Variants in SVIL observed in about 807,000 individuals in gnomAD.
SVIL encodes the protein supervillin, also known as archvillin.
Under a neutral mutation model 240.4 loss-of-function variants are expected in SVIL, and 101 were observed. The observed-to-expected ratio is 0.42, with a 90% CI of 0.36 to 0.50. The LOEUF (loss-of-function observed/expected upper bound fraction) is 0.50. Among genes scored for constraint, SVIL ranks in the 20% least tolerant of loss-of-function variants. The pLI is 0.01. For synonymous variants in SVIL, 999 were observed against 1,100.0 expected (o/e 0.91, Z 1.82); for missense variants, 2,512 against 2,818.7 (o/e 0.89, Z 2.46).
intron 1 of SVIL, among the ~76,000 whole-genome samples, chr10:29,587,868 G>A (rs1262109042): frequency 1.3e-5 from 2 of 152,200 alleles, no homozygotes; most frequent in East Asian, 3.8e-4. Context: ...AAAAGTGGAC[G>A]TCTGTATTTC....
intron 3 of SVIL, among the ~76,000 whole-genome samples, chr10:29,558,044 G>T (rs1035435477): frequency 6.6e-6 from 1 of 152,172 alleles, no homozygotes; most frequent in African/African-American, 2.4e-5. Context: ...AAGCCCCTTA[G>T]GGACTGCCCT....
At chr10:29,475,906 C>T (rs1241304515) in intron 29 of SVIL, among the ~76,000 whole-genome samples, 2 of 152,222 alleles carry the variant, frequency 1.3e-5, no homozygotes, top group African/African-American at 4.8e-5. Flanking sequence ...CATTTAAGTT[C>T]TTAAAAGGTA....
chr10:29,492,803 G>A (rs749875799), intron 21 of SVIL, among the ~76,000 whole-genome samples: 33 of 152,178 alleles, frequency 2.2e-4, no homozygotes, highest in Non-Finnish European at 3.2e-4. Context: ...ATTAGTTTGA[G>A]CCCATCTCAT....
At chr10:29,600,645 C>T (rs990785170) in intron 1 of SVIL, among the ~76,000 whole-genome samples, 1 of 152,194 alleles carries the variant, frequency 6.6e-6, no homozygotes, top group Admixed American at 6.5e-5. Flanking sequence ...GCATTTTATA[C>T]ACATATTATT....
intron 2 of SVIL, among the ~76,000 whole-genome samples, chr10:29,681,015 G>A (rs1960599636): frequency 1.3e-5 from 2 of 152,170 alleles, no homozygotes; most frequent in Admixed American, 1.3e-4. Context: ...AACTGGCTCA[G>A]GGGCAGGAGA....
In SVIL at chr10:29,661,223, T is replaced by C. The variant is rs186111884; in HGVS notation, c.-300-3155A>G. ...ACACTTGAGTCCTAGAAATCTGGTT[T>C]GCTTAAAGACAAAGGGAAAACCTCA... On this transcript the variant is annotated intron_variant, in intron 2 of 35. Coordinates refer to the SVIL transcript ENST00000375400. Among the ~76,000 whole-genome samples, 353 of 150,870 alleles carry C rather than the reference T, an allele frequency of 2.3e-3. 1 individual carries two copies. Among genetic ancestry groups the C allele is most frequent in the African/African-American group, 8.1e-3 (332 of 41,176 alleles).
At chr10:29,546,977 T>C (rs761331491) in intron 6 of SVIL, among the ~76,000 whole-genome samples, 2 of 152,226 alleles carry the variant, frequency 1.3e-5, no homozygotes, top group African/African-American at 2.4e-5. Context: ...TCTTCACTTG[T>C]TGATTTTAAA....
intron 6 of SVIL, among the ~76,000 whole-genome samples, chr10:29,550,298 C>T (rs934205099): frequency 3.3e-5 from 5 of 151,576 alleles, no homozygotes; most frequent in East Asian, 1.9e-4. Flanking sequence ...AAAAATTAGC[C>T]GGGCGTGGTG....
intron 1 of SVIL, among the ~76,000 whole-genome samples, chr10:29,592,547 C>G (rs2132808958): frequency 6.6e-6 from 1 of 152,232 alleles, no homozygotes; most frequent in East Asian, 1.9e-4. Context: ...AGTGAGACCT[C>G]CGTAATGGAG....
chr10:29,531,923 G>C (rs1040427231), intron 9 of SVIL, 79 bp downstream of exon 9: 7 of 1,490,262 alleles, frequency 4.7e-6, no homozygotes, highest in Middle Eastern at 3.6e-4. Flanking sequence ...TATAAATAGC[G>C]TCAAGACCGT....
At chr10:29,723,853 C>G (rs1421682982) in intron 1 of SVIL, among the ~76,000 whole-genome samples, 1 of 152,150 alleles carries the variant, frequency 6.6e-6, no homozygotes, top group Non-Finnish European at 1.5e-5. Flanking sequence ...TGGGTAACTA[C>G]AAGCAATGCG....
intron 16 of SVIL, among the ~76,000 whole-genome samples, chr10:29,520,047 T>C (rs1186358288): frequency 6.6e-6 from 1 of 152,144 alleles, no homozygotes; most frequent in Admixed American, 6.5e-5. Context: ...TCAACTAAAA[T>C]TTACCAAAAA....
intron 1 of SVIL, among the ~76,000 whole-genome samples, chr10:29,717,886 A>G (rs1316418134): frequency 6.6e-6 from 1 of 152,264 alleles, no homozygotes; most frequent in Non-Finnish European, 1.5e-5. Flanking sequence ...AAAATGTAGT[A>G]TCTGATAGCT....
At chr10:29,714,890 G>T (rs2076214255) in intron 1 of SVIL, among the ~76,000 whole-genome samples, 1 of 148,138 alleles carries the variant, frequency 6.8e-6, no homozygotes, top group African/African-American at 2.5e-5. Context: ...AGCCTAGGAG[G>T]TTGAGACTGC....
chr10:29,593,807 CCCTT>C (rs1956479048), intron 1 of SVIL, among the ~76,000 whole-genome samples: 1 of 152,164 alleles, frequency 6.6e-6, no homozygotes, highest in Admixed American at 6.6e-5. Context: ...TGCGCCCAAG[CCCTT>C]ATCCTTAGAG....
chr10:29,467,404 G>A, intron 33 of SVIL: 1 of 183,702 alleles, frequency 5.4e-6, no homozygotes, highest in Middle Eastern at 2.3e-3. Flanking sequence ...TGGTCCCCGG[G>A]AGGCCTTGGG....
intron 16 of SVIL, among the ~76,000 whole-genome samples, chr10:29,518,191 C>G (rs2132513104): frequency 1.3e-5 from 2 of 152,270 alleles, no homozygotes; most frequent in South Asian, 4.1e-4. Context: ...AGTTTGACAC[C>G]AGCCTGGCCA....
intron 3 of SVIL, among the ~76,000 whole-genome samples, chr10:29,560,368 G>GGATTGCAT (rs1448754508): frequency 6.6e-6 from 1 of 152,210 alleles, no homozygotes. Flanking sequence ...TTAAATGATA[G>GGATTGCAT]GATTGCATGG....
chr10:29,480,045 C>T (rs1457212946), intron 29 of SVIL, among the ~76,000 whole-genome samples: 3 of 152,180 alleles, frequency 2.0e-5, no homozygotes, highest in Non-Finnish European at 2.9e-5. Flanking sequence ...AAGCACCACC[C>T]GTGCTCTCAG....
Sources: allele counts gnomAD v4.1 joint callset (sites outside exome capture counted in the v4.1 genomes callset), GRCh38; gene constraint gnomAD v4.1.1; transcripts MANE v1.5; gene names NCBI Gene and HGNC (gene_info 2026-07-23, HGNC 2026-07-21).